Variants in SLC24A1 observed in about 807,000 individuals in gnomAD.
SLC24A1 encodes solute carrier family 24 member 1, also known as sodium/potassium/calcium exchanger 1.
In SLC24A1, 52 loss-of-function variants were observed where a neutral mutation model predicts 88.1. The observed-to-expected ratio is 0.59, with a 90% CI of 0.47 to 0.74. The LOEUF (loss-of-function observed/expected upper bound fraction) is 0.74, where lower values mean the gene tolerates loss of function less well. SLC24A1 is among the 30% of genes least tolerant of loss of function. SLC24A1 has a pLI of 0.00. For synonymous variants in SLC24A1, 455 were observed against 498.0 expected (o/e 0.91, Z 1.15); for missense variants, 1,173 against 1,363.3 (o/e 0.86, Z 2.20).
rs537546157 is a variant in SLC24A1 at position 65,638,125 on chromosome 15, C to T, written c.1891-3C>T. Reference sequence around the variant, plus strand: ...ATCTCGTGACTCCTCTCCCTGTTTGCAGCCGGGCGATGGGGCCATTGCGGT... The same window carrying T: ...ATCTCGTGACTCCTCTCCCTGTTTGTAGCCGGGCGATGGGGCCATTGCGGT... On this transcript the variant is annotated splice_polypyrimidine_tract_variant and splice_region_variant and intron_variant, in intron 2 of 9. Coordinates refer to ENST00000261892, the MANE Select transcript of SLC24A1 (RefSeq NM_004727.3). The T allele has an allele frequency of 2.2e-4, 354 of 1,607,004 alleles. No homozygotes were observed. The South Asian group carries it at 3.8e-3, about 17-fold the overall frequency.
In SLC24A1 at chr15:65,654,676, C is replaced by A. The variant is rs143428775; in HGVS notation, c.*597C>A. ...TTAATGATCATTCCACGTTTTGTAG[C>A]CCACTGCATCTGGATATATACCAGT... is the stretch of plus-strand genomic sequence containing the variant. On this transcript the variant is annotated 3_prime_UTR_variant, in exon 10 of 10. Coordinates refer to ENST00000261892, the MANE Select transcript of SLC24A1 (RefSeq NM_004727.3). 9.4e-5 allele frequency: 120 copies of A among 1,273,538 alleles called. No homozygotes were observed. In the East Asian group the frequency reaches 5.7e-3, roughly 61 times the overall value. 78.9% of individuals were successfully genotyped at this position (1,273,538 alleles called of 1,614,324 possible).
chr15:65,636,271 A>G (rs943804086), intron 2 of SLC24A1, among the ~76,000 whole-genome samples: 2 of 152,238 alleles, frequency 1.3e-5, no homozygotes, highest in African/African-American at 4.8e-5. Context: ...GTTGGACAAC[A>G]TAAACAGACC....
In SLC24A1 at chr15:65,651,759, GGT is replaced by G; in HGVS notation, c.2883+2_2883+3del. Reference sequence around the variant, plus strand: ...ACCTCATGGTGTGGTGGGCTCACCAGGTGAGTGAACAGCAGGAACGAAATCCT... The same window carrying G: ...ACCTCATGGTGTGGTGGGCTCACCAGGAGTGAACAGCAGGAACGAAATCCT... On this transcript the variant is annotated splice_donor_variant, in intron 8 of 9. Transcript: ENST00000261892. LOFTEE classifies it high-confidence loss of function. The G allele has an allele frequency of 6.4e-7, 1 of 1,552,706 alleles. No homozygotes were observed. Among genetic ancestry groups the G allele is most frequent in the Non-Finnish European group, 8.9e-7 (1 of 1,124,364 alleles).
In SLC24A1 at chr15:65,625,149, A is replaced by C; in HGVS notation, c.1069A>C (p.Ile357Leu). ...NPSPRTSVSA[I>L]KTAPAIVWRL... ...TTCACCCAGGACCAGTGTATCAGCC[A>C]TCAAAACAGCCCCAGCCATAGTCTG... The change falls in exon 2 of 10, where the codon ATC (isoleucine) becomes CTC (leucine). Residue 357 changes from isoleucine (I) to leucine (L), a missense_variant. Coordinates refer to ENST00000261892, the MANE Select transcript of SLC24A1 (RefSeq NM_004727.3). 2 of 1,613,816 alleles carry C rather than the reference A, an allele frequency of 1.2e-6. No homozygotes were observed. The highest frequency in any genetic ancestry group is 2.2e-5 in the South Asian group (2 of 91,084).
At chr15:65,633,248 T>C (rs74024332) in intron 2 of SLC24A1, among the ~76,000 whole-genome samples, 52 of 152,344 alleles carry the variant, frequency 3.4e-4, no homozygotes, top group African/African-American at 1.2e-3. Flanking sequence ...GTTTAATATA[T>C]ACACTGGGTT....
chr15:65,614,888 G>A (rs918531190), intron 2 of SLC24A1, among the ~76,000 whole-genome samples: 2 of 152,200 alleles, frequency 1.3e-5, no homozygotes, highest in Non-Finnish European at 2.9e-5. Flanking sequence ...ATTTCTCTAA[G>A]AAAGTAGAAA....
intron 4 of SLC24A1, among the ~76,000 whole-genome samples, chr15:65,640,986 G>A (rs1055078980): frequency 2.6e-5 from 4 of 152,102 alleles, no homozygotes; most frequent in East Asian, 1.9e-4. Flanking sequence ...ACTTGAACCC[G>A]GGAGGTGGAG....
intron 6 of SLC24A1, among the ~76,000 whole-genome samples, chr15:65,646,007 A>T (rs1341918476): frequency 1.3e-5 from 2 of 152,190 alleles, no homozygotes; most frequent in Non-Finnish European, 2.9e-5. Flanking sequence ...CAGTGAGACC[A>T]GGTAGCTCCT....
In SLC24A1 at chr15:65,645,520, A is replaced by G. The variant is rs150059915; in HGVS notation, c.2141-92A>G. 6.6e-3 allele frequency: 6,138 copies of G among 931,318 alleles called. 42 individuals are homozygous for G. Among genetic ancestry groups the G allele is most frequent in the Non-Finnish European group, 7.9e-3 (4,598 of 583,764 alleles). The allele number at this position is 931,318 out of a possible 1,614,324, so 57.7% of individuals were successfully genotyped here. On this transcript the variant is annotated intron_variant, in intron 5 of 9. Transcript: ENST00000261892. ...AAACCTTCAGAAACCCTGAAGTCCA[A>G]TAGCCCTGTAGCCACTTATGCCAGT...
rs375420645 is a variant in SLC24A1, at chr15:65,638,147, C to T, written c.1910C>T (p.Ala637Val). The T allele has an allele frequency of 1.0e-4, 162 of 1,609,612 alleles. No individual in the cohort carries two copies. Among genetic ancestry groups the T allele is most frequent in the South Asian group, 6.3e-4 (57 of 90,002 alleles). The change falls in exon 3 of 10, where the codon GCG becomes GTG. Residue 637 changes from alanine to valine, a missense_variant. Coordinates refer to ENST00000261892, the MANE Select transcript of SLC24A1 (RefSeq NM_004727.3). Reference sequence around the variant, plus strand: ...TTGCAGCCGGGCGATGGGGCCATTGCGGTGGATGAGCTACAGGATAACAAG... The same window carrying T: ...TTGCAGCCGGGCGATGGGGCCATTGTGGTGGATGAGCTACAGGATAACAAG... ...DLSKPGDGAI[A>V]VDELQDNKKL...
downstream of SLC24A1, among the ~76,000 whole-genome samples, chr15:65,657,321 T>TA (rs1267419941): frequency 6.6e-6 from 1 of 152,198 alleles, no homozygotes; most frequent in Non-Finnish European, 1.5e-5. Flanking sequence ...AATTGGAATG[T>TA]ATTATCTAGA....
At chr15:65,658,463 T>C (rs1239150420), downstream of SLC24A1, 2 of 152,192 alleles carry the variant, frequency 1.3e-5, no homozygotes, top group African/African-American at 4.8e-5. Context: ...AAAATAAAGC[T>C]GGGCTACTGC....
At chr15:65,660,301 C>A, downstream of SLC24A1, 1 of 1,535,288 alleles carries the variant, frequency 6.5e-7, no homozygotes, top group Non-Finnish European at 8.7e-7. Flanking sequence ...TGAAATGTTT[C>A]AGCATGGTGC....
chr15:65,633,953 T>C (rs1455039867), intron 2 of SLC24A1, among the ~76,000 whole-genome samples: 4 of 152,036 alleles, frequency 2.6e-5, no homozygotes, highest in Non-Finnish European at 5.9e-5. Context: ...TGCAGGACTA[T>C]AGGCAGGAGA....
chr15:65,641,157 G>A (rs780496122), intron 4 of SLC24A1, among the ~76,000 whole-genome samples: 40 of 152,146 alleles, frequency 2.6e-4, no homozygotes, highest in Non-Finnish European at 4.7e-4. Flanking sequence ...GGCGGATCAC[G>A]AGGTCAAGAA....
intron 2 of SLC24A1, among the ~76,000 whole-genome samples, chr15:65,612,916 G>A (rs2141367606): frequency 6.6e-6 from 1 of 152,298 alleles, no homozygotes; most frequent in African/African-American, 2.4e-5. Context: ...TTAAATTGAT[G>A]ATAAAAGGCA....
At chr15:65,628,538 A>G (rs1317739514) in intron 2 of SLC24A1, among the ~76,000 whole-genome samples, 1 of 152,324 alleles carries the variant, frequency 6.6e-6, no homozygotes, top group East Asian at 1.9e-4. Flanking sequence ...TATTCCATAC[A>G]TACATTGTCT....
In SLC24A1 at chr15:65,625,271, G is replaced by A. The variant is rs1417671338; in HGVS notation, c.1191G>A (p.Val397=). The A allele has an allele frequency of 3.7e-6, 6 of 1,613,926 alleles. No individual in the cohort carries two copies. The highest frequency in any genetic ancestry group is 8.5e-7 in the Non-Finnish European group (1 of 1,179,866). ...LTMQVHHCVV[V]KPTPAMLTTP... The stretch of plus-strand genomic sequence containing the variant: ...TGCAGGTCCATCACTGTGTGGTTGT[G>A]AAGCCAACCCCAGCCATGCTCACCA... Residue 397 remains valine, a synonymous_variant, in exon 2 of 10, where the codon GTG becomes GTA. Transcript: ENST00000261892.
At chr15:65,619,690 C>T (rs185680373), upstream of SLC24A1, among the ~76,000 whole-genome samples, 215 of 152,248 alleles carry the variant, frequency 1.4e-3, 1 homozygote, top group Non-Finnish European at 2.2e-3. Context: ...TGAAAAGTCT[C>T]GTTCCCTCTT....
Sources: allele counts gnomAD v4.1 joint callset (sites outside exome capture counted in the v4.1 genomes callset), GRCh38; gene constraint gnomAD v4.1.1; transcripts MANE v1.5; gene names NCBI Gene and HGNC (gene_info 2026-07-23, HGNC 2026-07-21).